SEC14L3: variants seen among roughly 807,000 people sequenced by gnomAD.
SEC14L3 encodes the protein SEC14-like protein 3.
A neutral mutation model predicts 57.4 loss-of-function variants in SEC14L3; 56 were observed. The ratio of observed to expected loss-of-function variants is 0.97; its 90% CI spans 0.79 to 1.22. SEC14L3 has a LOEUF of 1.22. Among genes scored for constraint, SEC14L3 ranks in the 50% most tolerant of loss-of-function variants. The pLI, the probability that SEC14L3 is intolerant of heterozygous loss-of-function variation, is 0.00. For missense variants in SEC14L3, 485 were observed against 511.7 expected, an observed-to-expected ratio of 0.95 and a Z score of 0.50; for synonymous variants, 173 against 194.4, an observed-to-expected ratio of 0.89 and a Z score of 0.92.
chr22:30,448,484 A>G (rs1360386763), exon 13 of SEC14L3: 1 of 150,286 alleles, frequency 6.7e-6, no homozygotes, highest in Non-Finnish European at 1.5e-5. Flanking sequence ...GCTCACTCCT[A>G]TCCTGCTCTC....
In SEC14L3 at chr22:30,461,396, T is replaced by TC; in HGVS notation, c.994dup (p.Glu332GlyfsTer12). 1 of 1,613,950 alleles carries TC rather than the reference T, an allele frequency of 6.2e-7. No homozygotes were observed. Among genetic ancestry groups the TC allele is most frequent in the Non-Finnish European group, 8.5e-7 (1 of 1,179,948 alleles). ...CTGGCTGGGTAGAACATCTGTCATC[T>TC]CCCCTGCCCGCTGTCGCTCCCCCAT... On this transcript the variant is annotated frameshift_variant, in exon 11 of 12. Transcript: ENST00000215812. LOFTEE classifies it high-confidence loss of function.
intron 9 of SEC14L3, 84 bp from the exon 10 acceptor site, chr22:30,461,778 C>T (rs1293094258): frequency 1.3e-6 from 2 of 1,519,184 alleles, no homozygotes; most frequent in Non-Finnish European, 1.8e-6. Flanking sequence ...TTCACCACCT[C>T]CTGGAAGTAT....
At chr22:30,470,148 GC>G in intron 3 of SEC14L3, 63 bp downstream of exon 3, 1 of 1,612,558 alleles carries the variant, frequency 6.2e-7, no homozygotes, top group Non-Finnish European at 8.5e-7. Flanking sequence ...GGAAGGAGGG[GC>G]TTGAGGCATG....
At chr22:30,469,976 G>A (rs1935549123) in intron 4 of SEC14L3, 43 bp downstream of exon 4, 2 of 1,434,536 alleles carry the variant, frequency 1.4e-6, no homozygotes. Flanking sequence ...ACCTTGAGTG[G>A]TACGTCCGTG....
intron 12 of SEC14L3, among the ~76,000 whole-genome samples, chr22:30,452,013 A>AG (rs1569224068): frequency 4.1e-5 from 5 of 121,708 alleles, no homozygotes; most frequent in African/African-American, 1.1e-4. Context: ...AAAAAAAGAA[A>AG]AAAGAAAAGA....
chr22:30,465,864 C>A (rs1283300641), intron 7 of SEC14L3, among the ~76,000 whole-genome samples: 1 of 152,230 alleles, frequency 6.6e-6, no homozygotes, highest in Non-Finnish European at 1.5e-5. Flanking sequence ...CTACCCACAA[C>A]AATTACCCAA....
rs374720875 is a variant in SEC14L3 at position 30,462,089 on chromosome 22, G to A, written c.768C>T (p.Thr256=). 6.2e-7 allele frequency: 1 copy of A among 1,613,866 alleles called. No individual in the cohort carries two copies. Among genetic ancestry groups the A allele is most frequent in the Non-Finnish European group, 8.5e-7 (1 of 1,179,934 alleles). Reference sequence around the variant, plus strand: ...CCCAGGGAAGGGCTCTTTGTACCTTGGTTAAACATTTGGGGTTCCCATCTG... The same window carrying A: ...CCCAGGGAAGGGCTCTTTGTACCTTAGTTAAACATTTGGGGTTCCCATCTG... ...TDPDGNPKCL[T]KINYGGEIPK... is the part of the protein sequence containing the mutation. Residue 256 remains threonine, a synonymous_variant, in exon 9 of 12, where the codon ACC becomes ACT. Coordinates refer to ENST00000215812, the MANE Select transcript of SEC14L3 (RefSeq NM_174975.5).
intron 2 of SEC14L3, 86 bp from the exon 3 acceptor site, chr22:30,470,341 G>A (rs971971012): frequency 9.4e-6 from 15 of 1,590,176 alleles, no homozygotes; most frequent in African/African-American, 2.7e-5. Context: ...GACACTGGGG[G>A]CCTGGGTGAG....
At chr22:30,459,104 G>C (rs1935172717), downstream of SEC14L3, 1 of 221,818 alleles carries the variant, frequency 4.5e-6, no homozygotes, top group African/African-American at 2.3e-5. Context: ...TGAGTGAGTA[G>C]CTTCACCCCT....
At chr22:30,454,831 AT>A (rs1303675129), downstream of SEC14L3, among the ~76,000 whole-genome samples, 1 of 34,082 alleles carries the variant, frequency 2.9e-5, no homozygotes, top group African/African-American at 2.5e-4. Context: ...ATAATATAAT[AT>A]ATAATAATAT....
At position 30,459,425 on chromosome 22, in the gene SEC14L3, G is replaced by A; in HGVS notation, c.*596C>T. The stretch of plus-strand genomic sequence containing the variant: ...TTGTGGCTGGGGCCCTCAAAAGACA[G>A]CCACTGCCAGAAATCTGGAGACTGA... On this transcript the variant is annotated 3_prime_UTR_variant, in exon 12 of 12. Transcript: ENST00000215812. The A allele has an allele frequency of 1.0e-6, 1 of 985,406 alleles. No individual in the cohort carries two copies. The highest frequency in any genetic ancestry group is 4.7e-5 in the South Asian group (1 of 21,282). 61.0% of individuals were successfully genotyped at this position (985,406 alleles called of 1,614,324 possible).
chr22:30,454,995 T>C (rs1277756956), downstream of SEC14L3, among the ~76,000 whole-genome samples: 4 of 71,766 alleles, frequency 5.6e-5, no homozygotes, highest in Non-Finnish European at 7.0e-5. Flanking sequence ...TATTATATAT[T>C]ATATAATAGA....
Position 30,464,547 on chromosome 22 carries a change from C to A in SEC14L3, c.664+273G>T, listed in dbSNP as rs575675960. On this transcript the variant is annotated intron_variant, in intron 8 of 11. Transcript: ENST00000215812. ...CTGGGCTCAAGTGATCCTCCCACCT[C>A]AGCCTCCTAAGTATCTGGAATTACA... Among the ~76,000 whole-genome samples the A allele has an allele frequency of 5.9e-5, 9 of 152,298 alleles. No individual in the cohort carries two copies. The South Asian group carries it at 1.5e-3, about 25-fold the overall frequency.
chr22:30,462,845 C>T (rs1172931173), intron 8 of SEC14L3, among the ~76,000 whole-genome samples: 1 of 151,636 alleles, frequency 6.6e-6, no homozygotes, highest in African/African-American at 2.4e-5. Flanking sequence ...TCAAGCAGTT[C>T]TCTACCTCAG....
At chr22:30,466,927 C>A (rs1407952872) in intron 6 of SEC14L3, 55 bp downstream of exon 6, 6 of 1,543,594 alleles carry the variant, frequency 3.9e-6, no homozygotes, top group Non-Finnish European at 5.3e-6. Flanking sequence ...TGGGTCATGG[C>A]AGGCCAAGCT....
At chr22:30,467,111 T>C in intron 5 of SEC14L3, 34 bp from the exon 6 acceptor site, 3 of 1,613,370 alleles carry the variant, frequency 1.9e-6, no homozygotes, top group Non-Finnish European at 2.5e-6. Context: ...AGTTCTGGAG[T>C]TCAGGGTGTA....
At chr22:30,455,236 TTTA>T (rs1935100585), downstream of SEC14L3, among the ~76,000 whole-genome samples, 1 of 126,894 alleles carries the variant, frequency 7.9e-6, no homozygotes, top group Non-Finnish European at 1.6e-5. Context: ...ATATATAATA[TTTA>T]ATATATTATA....
chr22:30,468,464 C>G, intron 5 of SEC14L3, 44 bp downstream of exon 5: 2 of 1,497,010 alleles, frequency 1.3e-6, no homozygotes, highest in Non-Finnish European at 1.9e-6. Flanking sequence ...CCCCGGCAGC[C>G]TCACCTGCCC....
chr22:30,471,866 C>G (rs1440594039), intron 1 of SEC14L3, 39 bp downstream of exon 1: 1 of 1,613,114 alleles, frequency 6.2e-7, no homozygotes. Flanking sequence ...CAGCCCCTTT[C>G]CCCTGGTCTT....
Sources: allele counts gnomAD v4.1 joint callset (sites outside exome capture counted in the v4.1 genomes callset), GRCh38; gene constraint gnomAD v4.1.1; transcripts MANE v1.5; gene names NCBI Gene and HGNC (gene_info 2026-07-23, HGNC 2026-07-21).